The following RPL22 variants were observed in gnomAD, a reference collection of about 807,000 sequenced individuals.
RPL22 encodes the protein ribosomal protein L22.
Under a neutral mutation model 16.2 loss-of-function variants are expected in RPL22, and 4 were observed. The ratio of observed to expected loss-of-function variants is 0.25; its 90% CI spans 0.12 to 0.57. The LOEUF (loss-of-function observed/expected upper bound fraction) is 0.57. Ranked by LOEUF, RPL22 falls within the 20% of genes least tolerant of loss-of-function variation. The probability of loss-of-function intolerance (pLI) is 0.92; values close to 1 mark genes in which losing one functional copy is unlikely to be tolerated. For missense variants in RPL22, 83 were observed against 156.1 expected (o/e 0.53, Z 2.49); for synonymous variants, 43 against 54.8 (o/e 0.78, Z 0.95).
At chr1:6,196,479 G>A (rs913696451) in intron 2 of RPL22, among the ~76,000 whole-genome samples, 13 of 152,172 alleles carry the variant, frequency 8.5e-5, no homozygotes, top group African/African-American at 1.9e-4. Context: ...TGGATAATTC[G>A]TGACCATAAT....
chr1:6,189,184 C>CAATCTCCACACCAACAAAGT (rs1667618463), intron 3 of RPL22, among the ~76,000 whole-genome samples: 1 of 148,810 alleles, frequency 6.7e-6, no homozygotes, highest in Admixed American at 6.6e-5. Flanking sequence ...ACCAACAAAG[C>CAATCTCCACACCAACAAAGT]AATCTCCACA....
chr1:6,191,755 T>C (rs1395921939), intron 3 of RPL22, among the ~76,000 whole-genome samples: 2 of 151,818 alleles, frequency 1.3e-5, no homozygotes, highest in Non-Finnish European at 2.9e-5. Flanking sequence ...CCTTGTACTT[T>C]GGGAGGCTGA....
chr1:6,189,833 A>G (rs1667627480), intron 3 of RPL22, among the ~76,000 whole-genome samples: 1 of 152,194 alleles, frequency 6.6e-6, no homozygotes, highest in Non-Finnish European at 1.5e-5. Context: ...AGGCAGGAGA[A>G]TTGCTTGAAC....
In RPL22 at chr1:6,185,293, T is replaced by G; in HGVS notation, c.*1379A>C. The G allele has an allele frequency of 2.5e-6, 1 of 399,024 alleles. No homozygotes were observed. The highest frequency in any genetic ancestry group is 6.3e-4 in the Middle Eastern group (1 of 1,588). The allele number at this position is 399,024 out of a possible 1,614,324, so 24.7% of individuals were successfully genotyped here. ...CCACAAACTTAGTTAATAATCATGG[T>G]TAAGGGACATTGCCAAAGAGCAACT... is the stretch of plus-strand genomic sequence containing the variant. On this transcript the variant is annotated 3_prime_UTR_variant, in exon 4 of 4. Coordinates refer to ENST00000234875, the MANE Select transcript of RPL22 (RefSeq NM_000983.4).
intron 3 of RPL22, among the ~76,000 whole-genome samples, chr1:6,187,050 G>A (rs1400664510): frequency 2.6e-5 from 4 of 152,218 alleles, no homozygotes; most frequent in Non-Finnish European, 5.9e-5. Context: ...GCTCAGGCCT[G>A]TAATCCCAGC....
rs527765632 is a variant in RPL22 at position 6,194,452 on chromosome 1, C to T, written c.118-1398G>A. On this transcript the variant is annotated intron_variant, in intron 2 of 3. Transcript: ENST00000234875. ...TCTCTGCAAACTACTGTGTGGGCCTCAGCAAGACATTCACCTCCTTGTGCT... is the reference window on the plus strand; with the variant it reads ...TCTCTGCAAACTACTGTGTGGGCCTTAGCAAGACATTCACCTCCTTGTGCT... Among the ~76,000 whole-genome samples, 18 of 152,348 alleles carry T rather than the reference C, an allele frequency of 1.2e-4. No individual in the cohort carries two copies. The South Asian group carries it at 3.5e-3, about 30-fold the overall frequency.
At chr1:6,196,193 T>C (rs1314274244) in intron 2 of RPL22, among the ~76,000 whole-genome samples, 1 of 152,176 alleles carries the variant, frequency 6.6e-6, no homozygotes, top group African/African-American at 2.4e-5. Context: ...TTTTCTATCC[T>C]AAGGAGGCTT....
chr1:6,199,516 C>G, intron 1 of RPL22, 46 bp downstream of exon 1: 1 of 1,550,018 alleles, frequency 6.5e-7, no homozygotes, highest in South Asian at 1.2e-5. Flanking sequence ...CGGCGAGGCC[C>G]ACGTGCCTCC....
At chr1:6,193,306 C>A (rs1667675287) in intron 2 of RPL22, among the ~76,000 whole-genome samples, 1 of 150,898 alleles carries the variant, frequency 6.6e-6, no homozygotes, top group Admixed American at 6.6e-5. Context: ...TCCCACCTGG[C>A]CCCAGCTGAC....
At chr1:6,197,871 G>A (rs1667740987) in intron 1 of RPL22, 115 bp from the exon 2 acceptor site, 1 of 791,572 alleles carries the variant, frequency 1.3e-6, no homozygotes, top group Admixed American at 2.1e-5. Context: ...AAAACTAACG[G>A]AAGTGTGCTC....
At chr1:6,188,557 A>G (rs1451591750) in intron 3 of RPL22, among the ~76,000 whole-genome samples, 1 of 151,798 alleles carries the variant, frequency 6.6e-6, no homozygotes, top group Non-Finnish European at 1.5e-5. Context: ...TAAAAAAAAA[A>G]AAGATGAAGT....
At chr1:6,190,387 T>C (rs1667634797) in intron 3 of RPL22, among the ~76,000 whole-genome samples, 1 of 152,234 alleles carries the variant, frequency 6.6e-6, no homozygotes. Flanking sequence ...TTTCTTTTGT[T>C]TGTTTTTTTT....
chr1:6,186,993 G>A (rs1470117754), intron 3 of RPL22, among the ~76,000 whole-genome samples, 177 bp from the exon 4 acceptor site: 2 of 152,176 alleles, frequency 1.3e-5, no homozygotes, highest in South Asian at 4.1e-4. Flanking sequence ...TATCAGCCAC[G>A]TACCATCGAC....
chr1:6,189,105 C>T (rs1184616331), intron 3 of RPL22, among the ~76,000 whole-genome samples: 2 of 152,118 alleles, frequency 1.3e-5, no homozygotes, highest in African/African-American at 2.4e-5. Context: ...GGCATATTCA[C>T]AGGACCCAAA....
rs1667567403 is a variant in RPL22, at chr1:6,185,073, T to C, written c.*1599A>G. On this transcript the variant is annotated 3_prime_UTR_variant, in exon 4 of 4. Transcript: ENST00000234875. ...CTTTAATAGAAAATATGATCAAAACTCGATTACAAGAGTTCAAAAAGACAT... is the reference window on the plus strand; with the variant it reads ...CTTTAATAGAAAATATGATCAAAACCCGATTACAAGAGTTCAAAAAGACAT... The C allele has an allele frequency of 2.7e-6, 1 of 364,696 alleles. No homozygotes were observed. Among genetic ancestry groups the C allele is most frequent in the African/African-American group, 2.1e-5 (1 of 48,024 alleles). The allele number at this position is 364,696 out of a possible 1,614,324, so 22.6% of individuals were successfully genotyped here.
At chr1:6,195,688 T>C (rs905123443) in intron 2 of RPL22, among the ~76,000 whole-genome samples, 1 of 148,624 alleles carries the variant, frequency 6.7e-6, no homozygotes, top group African/African-American at 2.5e-5. Context: ...AAGGTGGAGG[T>C]TGCAGTGAGC....
chr1:6,195,765 AAAAAT>A (rs1251344995), intron 2 of RPL22, among the ~76,000 whole-genome samples: 1 of 151,746 alleles, frequency 6.6e-6, no homozygotes, highest in Non-Finnish European at 1.5e-5. Context: ...ATAAATAAAT[AAAAAT>A]AAAATAAAAT....
At chr1:6,188,715 G>A (rs1239848238) in intron 3 of RPL22, among the ~76,000 whole-genome samples, 1 of 151,804 alleles carries the variant, frequency 6.6e-6, no homozygotes, top group East Asian at 1.9e-4. Context: ...CTCCCACAGT[G>A]AAAGGGGATC....
At chr1:6,198,688 A>G (rs1571189705) in intron 1 of RPL22, 1 of 152,188 alleles carries the variant, frequency 6.6e-6, no homozygotes, top group Non-Finnish European at 1.5e-5. Context: ...AAAATCACTG[A>G]TTTATTTTTT....
Sources: gnomAD v4.1 joint callset for allele counts (sites outside exome capture counted in the v4.1 genomes callset) on GRCh38, gnomAD v4.1.1 for gene constraint, MANE v1.5 for transcripts, NCBI Gene and HGNC (gene_info 2026-07-23, HGNC 2026-07-21) for gene names.